Variants in LIPC observed in about 807,000 individuals in gnomAD.
LIPC encodes lipase C, hepatic type.
LIPC carries 44 observed loss-of-function variants against 50.7 expected under a neutral mutation model. The observed-to-expected ratio is 0.87, with a 90% CI of 0.68 to 1.11. The LOEUF (loss-of-function observed/expected upper bound fraction) is 1.11, where lower values mean the gene tolerates loss of function less well. Ranked by LOEUF, LIPC falls within the 50% of genes most tolerant of loss-of-function variation. LIPC has a pLI of 0.00. For missense variants in LIPC, 697 were observed against 648.2 expected (o/e 1.08, Z -0.82); for synonymous variants, 271 against 256.4 (o/e 1.06, Z -0.54).
intron 1 of LIPC, among the ~76,000 whole-genome samples, chr15:58,438,937 A>C (rs1276393944): frequency 6.6e-6 from 1 of 152,138 alleles, no homozygotes; most frequent in Admixed American, 6.5e-5. Context: ...CATGGGGAAA[A>C]AGTGAAGAGA....
Position 58,569,790 on chromosome 15 carries a change from C to G in LIPC, c.*963C>G, listed in dbSNP as rs113212220. The stretch of plus-strand genomic sequence containing the variant: ...CTACCAGATCTGCTGGCACCTTTAT[C>G]TTGGACTTCTCAGCTTCCAGAACTG... On this transcript the variant is annotated 3_prime_UTR_variant, in exon 9 of 9. Coordinates refer to ENST00000299022, the MANE Select transcript of LIPC (RefSeq NM_000236.3). The G allele has an allele frequency of 2.8e-3, 447 of 156,936 alleles. 5 individuals carry two copies. The highest frequency in any genetic ancestry group is 0.01 in the African/African-American group (430 of 41,676). 9.7% of individuals were successfully genotyped at this position (156,936 alleles called of 1,614,324 possible). A position where few individuals can be genotyped will look rare whatever the true frequency, so the allele number is the denominator to read the frequency against.
chr15:58,529,956 C>A (rs1595923548), intron 1 of LIPC, among the ~76,000 whole-genome samples: 1 of 152,242 alleles, frequency 6.6e-6, no homozygotes, highest in Non-Finnish European at 1.5e-5. Context: ...AGATATCGCA[C>A]AGGACAACTG....
At chr15:58,485,395 A>C (rs188823031) in intron 1 of LIPC, among the ~76,000 whole-genome samples, 1 of 152,270 alleles carries the variant, frequency 6.6e-6, no homozygotes, top group Admixed American at 6.5e-5. Context: ...GTCGGGAAGC[A>C]CTTGTTTGTC....
intron 1 of LIPC, chr15:58,522,477 C>T (rs1892686295): frequency 6.6e-6 from 1 of 152,640 alleles, no homozygotes; most frequent in African/African-American, 2.4e-5. Flanking sequence ...GAGCCTTGTT[C>T]CAGCCTCACT....
At chr15:58,563,240 T>A (rs1345391902) in intron 7 of LIPC, among the ~76,000 whole-genome samples, 1 of 152,120 alleles carries the variant, frequency 6.6e-6, no homozygotes, top group African/African-American at 2.4e-5. Context: ...GTTAACTAGA[T>A]TTGTTATAGT....
At chr15:58,467,167 A>T (rs181556002) in intron 1 of LIPC, among the ~76,000 whole-genome samples, 1 of 152,344 alleles carries the variant, frequency 6.6e-6, no homozygotes, top group East Asian at 1.9e-4. Context: ...CCAGTAGACC[A>T]ATGAAGCATG....
Position 58,556,674 on chromosome 15 carries a change from T to G in LIPC, c.1052-4190T>G, listed in dbSNP as rs577073285. On this transcript the variant is annotated intron_variant, in intron 6 of 8. Transcript: ENST00000299022. ...TCTTTTTCACTTCTTTCATAAGCAT[T>G]GAAATCATTCCAAAAATAGCTTTTA... is the stretch of plus-strand genomic sequence containing the variant. Among the ~76,000 whole-genome samples, 115 of 152,350 alleles carry G rather than the reference T, an allele frequency of 7.5e-4. 2 individuals carry two copies. The South Asian group carries it at 0.023, about 31-fold the overall frequency.
chr15:58,525,571 A>T (rs1331920142), intron 1 of LIPC, among the ~76,000 whole-genome samples: 4 of 152,218 alleles, frequency 2.6e-5, no homozygotes, highest in Non-Finnish European at 5.9e-5. Context: ...AGGCAGAGGC[A>T]GGGGTGCAAG....
chr15:58,536,378 C>G (rs1016920161), intron 1 of LIPC, among the ~76,000 whole-genome samples: 1 of 152,152 alleles, frequency 6.6e-6, no homozygotes, highest in African/African-American at 2.4e-5. Flanking sequence ...AAGTCACTAA[C>G]AGGTATAGTC....
At chr15:58,481,914 A>G (rs1336605427) in intron 1 of LIPC, among the ~76,000 whole-genome samples, 1 of 152,168 alleles carries the variant, frequency 6.6e-6, no homozygotes, top group Non-Finnish European at 1.5e-5. Context: ...AGCTTATGTA[A>G]AAAGGGAGAT....
At chr15:58,482,623 A>G (rs777772574) in intron 1 of LIPC, among the ~76,000 whole-genome samples, 1 of 152,192 alleles carries the variant, frequency 6.6e-6, no homozygotes, top group Non-Finnish European at 1.5e-5. Context: ...AGCACCCTCC[A>G]TGGCTGGGAC....
chr15:58,492,567 C>A (rs1891622534), intron 1 of LIPC, among the ~76,000 whole-genome samples: 1 of 152,116 alleles, frequency 6.6e-6, no homozygotes, highest in South Asian at 2.1e-4. Context: ...CCACACAGTC[C>A]ACAAGAGCCC....
In LIPC at chr15:58,541,958, G is replaced by A; in HGVS notation, c.447G>A (p.Arg149=). 2 of 1,608,568 alleles carry A rather than the reference G, an allele frequency of 1.2e-6. No individual in the cohort carries two copies. Among genetic ancestry groups the A allele is most frequent in the South Asian group, 1.1e-5 (1 of 90,174 alleles). ...LVGKEVAALL[R]WLEESVQLSR... is the part of the protein sequence containing the mutation. ...GCAAGGAGGTCGCGGCTCTTCTCCG[G>A]TGGCTGGAGGTACCGACCTGCCCCA... Residue 149 remains arginine (R), a synonymous_variant, in exon 3 of 9, where the codon CGG becomes CGA. Coordinates refer to ENST00000299022, the MANE Select transcript of LIPC (RefSeq NM_000236.3).
At chr15:58,492,244 G>C (rs1309179905) in intron 1 of LIPC, among the ~76,000 whole-genome samples, 3 of 152,154 alleles carry the variant, frequency 2.0e-5, no homozygotes, top group African/African-American at 7.2e-5. Context: ...AGGTAGGAAA[G>C]GTCAGGCAAG....
intron 1 of LIPC, among the ~76,000 whole-genome samples, chr15:58,519,335 C>T (rs976804810): frequency 4.3e-4 from 64 of 149,278 alleles, no homozygotes; most frequent in African/African-American, 1.4e-3. Flanking sequence ...GGCGTGAACC[C>T]GGGAGGCGGA....
At chr15:58,559,033 C>T (rs1160152430) in intron 6 of LIPC, among the ~76,000 whole-genome samples, 1 of 152,164 alleles carries the variant, frequency 6.6e-6, no homozygotes, top group East Asian at 1.9e-4. Flanking sequence ...GCAATACAGG[C>T]ATACCAGGAC....
At chr15:58,502,509 CT>C (rs11332551) in intron 1 of LIPC, among the ~76,000 whole-genome samples, 20,377 of 144,522 alleles carry the variant, frequency 0.14, 1,331 homozygotes, top group Non-Finnish European at 0.15. Flanking sequence ...GTAATTTTCT[CT>C]TTTTTTTTTT....
chr15:58,489,231 CG>C lies in LIPC; in HGVS notation c.89-49100del, dbSNP rs1425123036. Among the ~76,000 whole-genome samples, 16 of 71,290 alleles carry C rather than the reference CG, an allele frequency of 2.2e-4. No individual in the cohort carries two copies. The East Asian group carries it at 4.1e-3, about 18-fold the overall frequency. 46.8% of individuals were successfully genotyped at this position (71,290 alleles called of 152,430 possible). ...TCATTTTGTTGCGGGGGCGGGGGGG[CG>C]GCTTACAAGCTTCCCAGGGTTCAGG... On this transcript the variant is annotated intron_variant, in intron 1 of 8. Coordinates refer to ENST00000299022, the MANE Select transcript of LIPC (RefSeq NM_000236.3).
chr15:58,449,291 G>T (rs1229490847), intron 1 of LIPC, among the ~76,000 whole-genome samples: 1 of 152,192 alleles, frequency 6.6e-6, no homozygotes. Context: ...TGCTCATTGG[G>T]TTGTATTTGC....
Sources: gnomAD v4.1 joint callset for allele counts (sites outside exome capture counted in the v4.1 genomes callset) on GRCh38, gnomAD v4.1.1 for gene constraint, MANE v1.5 for transcripts, NCBI Gene and HGNC (gene_info 2026-07-23, HGNC 2026-07-21) for gene names.